DCDC2C: variants seen among roughly 807,000 people sequenced by gnomAD.
The protein encoded by DCDC2C is doublecortin domain-containing protein 2C.
DCDC2C carries 44 observed loss-of-function variants against 45.0 expected under a neutral mutation model. The observed-to-expected ratio is 0.98, with a 90% CI of 0.77 to 1.26. The LOEUF (loss-of-function observed/expected upper bound fraction) is 1.26, where lower values mean the gene tolerates loss of function less well. Ranked by LOEUF, DCDC2C falls within the 50% of genes most tolerant of loss-of-function variation. The pLI, the probability that DCDC2C is intolerant of heterozygous loss-of-function variation, is 0.00. For synonymous variants in DCDC2C, 187 were observed against 178.8 expected (o/e 1.05, Z -0.37); for missense variants, 447 against 468.9 (o/e 0.95, Z 0.43).
At chr2:3,763,753 T>C (rs559989522) in intron 6 of DCDC2C, among the ~76,000 whole-genome samples, 3 of 152,366 alleles carry the variant, frequency 2.0e-5, no homozygotes, top group East Asian at 3.9e-4. Context: ...CTCTGCTCTT[T>C]TGGGCTGGAC....
chr2:3,739,573 CAG>C (rs1016701763), intron 3 of DCDC2C, among the ~76,000 whole-genome samples: 1 of 152,234 alleles, frequency 6.6e-6, no homozygotes, highest in Non-Finnish European at 1.5e-5. Flanking sequence ...CAGAACGACA[CAG>C]AGTTTGGCTG....
chr2:3,821,729 A>G (rs1411647961), intron 10 of DCDC2C, among the ~76,000 whole-genome samples: 1 of 152,260 alleles, frequency 6.6e-6, no homozygotes, highest in Admixed American at 6.5e-5. Flanking sequence ...TTCCTGGGGT[A>G]AACCCCACTT....
intron 10 of DCDC2C, among the ~76,000 whole-genome samples, chr2:3,789,580 A>G (rs144336036): frequency 3.7e-4 from 56 of 152,258 alleles, no homozygotes; most frequent in African/African-American, 1.3e-3. Context: ...CCTTTTTCCA[A>G]TTATCCCCCA....
chr2:3,704,266 G>C (rs1345866118), intron 1 of DCDC2C: 3 of 392,584 alleles, frequency 7.6e-6, no homozygotes, highest in Non-Finnish European at 1.3e-5. Context: ...TTCCTATGGG[G>C]CAGGGCGGGC....
intron 6 of DCDC2C, among the ~76,000 whole-genome samples, chr2:3,760,844 A>G (rs1008698089): frequency 3.9e-5 from 4 of 103,734 alleles, no homozygotes; most frequent in Admixed American, 2.2e-4. Flanking sequence ...TTAAAGTAAA[A>G]TAAAAAAAAA....
At position 3,705,495 on chromosome 2, in the gene DCDC2C, T is replaced by C. The variant is rs577569888; in HGVS notation, c.287+1457T>C. Reference sequence around the variant, plus strand: ...GATTTACAATTAAAGAATATATCTCTACAAAAACTGCCTTTAAAGTCCCTT... The same window carrying C: ...GATTTACAATTAAAGAATATATCTCCACAAAAACTGCCTTTAAAGTCCCTT... On this transcript the variant is annotated intron_variant, in intron 1 of 10. Coordinates refer to ENST00000399143, the MANE Select transcript of DCDC2C (RefSeq NM_001287444.2). Among the ~76,000 whole-genome samples the C allele has an allele frequency of 4.5e-3, 684 of 152,354 alleles. 3 individuals are homozygous for C. Among genetic ancestry groups the C allele is most frequent in the Non-Finnish European group, 7.0e-3 (477 of 68,036 alleles).
chr2:3,755,421 G>A (rs1669670818), intron 6 of DCDC2C, among the ~76,000 whole-genome samples: 3 of 152,128 alleles, frequency 2.0e-5, no homozygotes. Flanking sequence ...AAATACATGT[G>A]TGTATGGAGG....
At chr2:3,813,848 G>A (rs1671485842) in intron 10 of DCDC2C, among the ~76,000 whole-genome samples, 2 of 150,216 alleles carry the variant, frequency 1.3e-5, no homozygotes, top group Admixed American at 6.7e-5. Context: ...ACATGCTGAT[G>A]AGTCTTGACT....
At chr2:3,792,515 T>C (rs1200964434) in intron 10 of DCDC2C, among the ~76,000 whole-genome samples, 1 of 152,230 alleles carries the variant, frequency 6.6e-6, no homozygotes, top group Non-Finnish European at 1.5e-5. Context: ...TTAAGATATA[T>C]GAATTATTTC....
intron 10 of DCDC2C, among the ~76,000 whole-genome samples, 158 bp from the exon 11 acceptor site, chr2:3,846,996 T>C (rs993622820): frequency 6.6e-6 from 1 of 152,184 alleles, no homozygotes; most frequent in Non-Finnish European, 1.5e-5. Context: ...GAGCTGTGTG[T>C]GCTGCAGGTC....
At chr2:3,776,538 C>G (rs1326679178) in intron 8 of DCDC2C, among the ~76,000 whole-genome samples, 1 of 152,330 alleles carries the variant, frequency 6.6e-6, no homozygotes, top group Non-Finnish European at 1.5e-5. Flanking sequence ...AAGAGAATCT[C>G]GTCAAATGAG....
chr2:3,768,282 A>T (rs1670068001), intron 7 of DCDC2C, among the ~76,000 whole-genome samples: 1 of 152,092 alleles, frequency 6.6e-6, no homozygotes, highest in Non-Finnish European at 1.5e-5. Context: ...TAAAAGATGG[A>T]TCTTCAGAGC....
At position 3,703,931 on chromosome 2, in the gene DCDC2C, G is replaced by C; in HGVS notation, c.180G>C (p.Val60=). Residue 60 remains valine (V), a synonymous_variant, in exon 1 of 11, where the codon GTG becomes GTC. Coordinates refer to ENST00000399143, the MANE Select transcript of DCDC2C (RefSeq NM_001287444.2). The surrounding 1 kb of genome is among the most constrained non-coding windows in gnomAD (Gnocchi z 4.4). ...LTEQVDVPFG[V]RRLFTPTRGH... The stretch of plus-strand genomic sequence containing the variant: ...AGCAGGTGGACGTCCCGTTCGGCGT[G>C]CGCCGCCTCTTCACGCCCACGCGTG... 1 of 1,333,624 alleles carries C rather than the reference G, an allele frequency of 7.5e-7. No individual in the cohort carries two copies. Among genetic ancestry groups the C allele is most frequent in the Non-Finnish European group, 9.6e-7 (1 of 1,039,648 alleles). The allele number at this position is 1,333,624 out of a possible 1,614,324, so 82.6% of individuals were successfully genotyped here. A position where few individuals can be genotyped will look rare whatever the true frequency, so the allele number is the denominator to read the frequency against.
intron 10 of DCDC2C, among the ~76,000 whole-genome samples, chr2:3,819,158 A>C (rs1671626743): frequency 6.6e-6 from 1 of 152,226 alleles, no homozygotes; most frequent in East Asian, 1.9e-4. Flanking sequence ...ATCGGACAGC[A>C]TCAGTCTTCA....
Position 3,761,869 on chromosome 2 carries a change from A to G in DCDC2C, c.727-5885A>G, listed in dbSNP as rs1182307515. Among the ~76,000 whole-genome samples, 3 of 152,250 alleles carry G rather than the reference A, an allele frequency of 2.0e-5. No individual in the cohort carries two copies. The highest frequency in any genetic ancestry group is 7.2e-5 in the African/African-American group (3 of 41,466). On this transcript the variant is annotated intron_variant, in intron 6 of 10. Transcript: ENST00000399143. This position sits in a 1 kb window ranked among gnomAD's most constrained non-coding sequence, Gnocchi z 4.3. The stretch of plus-strand genomic sequence containing the variant: ...GACAATCTCTTATAATAGCATTAAA[A>G]TATAGCTGGATTAATTGAAATAGGC...
At chr2:3,811,293 C>G (rs1671384753) in intron 10 of DCDC2C, among the ~76,000 whole-genome samples, 1 of 152,204 alleles carries the variant, frequency 6.6e-6, no homozygotes, top group African/African-American at 2.4e-5. Flanking sequence ...AGAGGTCCTT[C>G]ACGTCCCTTG....
intron 8 of DCDC2C, among the ~76,000 whole-genome samples, chr2:3,774,422 G>A (rs1331754972): frequency 6.6e-6 from 1 of 152,224 alleles, no homozygotes; most frequent in Admixed American, 6.5e-5. Context: ...GAGCCTCGGG[G>A]AGTGGCTGGG....
chr2:3,740,856 TAA>T (rs2148106419), intron 3 of DCDC2C, among the ~76,000 whole-genome samples: 1 of 152,298 alleles, frequency 6.6e-6, no homozygotes, highest in South Asian at 2.1e-4. Context: ...TCTCAAATTC[TAA>T]GTTATTTGCA....
intron 10 of DCDC2C, among the ~76,000 whole-genome samples, chr2:3,814,284 C>T (rs1422972813): frequency 6.6e-6 from 1 of 152,138 alleles, no homozygotes; most frequent in Non-Finnish European, 1.5e-5. Context: ...TCTTCAAACC[C>T]TGATATCCTT....
Sources: gnomAD v4.1 joint callset for allele counts (sites outside exome capture counted in the v4.1 genomes callset) on GRCh38, gnomAD v4.1.1 for gene constraint, Gnocchi (gnomAD v3.1) non-coding constraint, MANE v1.5 for transcripts, NCBI Gene and HGNC (gene_info 2026-07-23, HGNC 2026-07-21) for gene names.